KIF5C: variants seen among roughly 807,000 people sequenced by gnomAD.
The protein encoded by KIF5C is kinesin heavy chain isoform 5C.
Under a neutral mutation model 125.2 loss-of-function variants are expected in KIF5C, and 18 were observed. The ratio of observed to expected loss-of-function variants is 0.14; its 90% confidence interval spans 0.10 to 0.21. KIF5C has a LOEUF of 0.21. Among genes scored for constraint, KIF5C ranks in the 10% least tolerant of loss-of-function variants. KIF5C has a pLI of 1.00. For missense variants in KIF5C, 780 were observed against 1,183.8 expected (o/e 0.66, Z 5.01); for synonymous variants, 405 against 434.0 (o/e 0.93, Z 0.83).
At chr2:148,923,537 T>C (rs1362026369) in intron 2 of KIF5C, among the ~76,000 whole-genome samples, 1 of 152,192 alleles carries the variant, frequency 6.6e-6, no homozygotes, top group Admixed American at 6.5e-5. Context: ...TCTAAACATG[T>C]TTTCTCTGTT....
At chr2:148,884,112 A>G (rs1681447934) in intron 1 of KIF5C, 1 of 152,140 alleles carries the variant, frequency 6.6e-6, no homozygotes, top group South Asian at 2.1e-4. Flanking sequence ...TGCACTGTTA[A>G]CCCCCAGATC....
chr2:148,950,578 G>C (rs1256515790), intron 10 of KIF5C, 116 bp downstream of exon 10: 1 of 1,373,368 alleles, frequency 7.3e-7, no homozygotes, highest in South Asian at 1.8e-5. Context: ...GGAGGCCAAG[G>C]CGGGTGGATT....
At chr2:149,014,603 G>A (rs1682305760) in intron 25 of KIF5C, among the ~76,000 whole-genome samples, 1 of 152,184 alleles carries the variant, frequency 6.6e-6, no homozygotes, top group African/African-American at 2.4e-5. Context: ...CCTCATATAT[G>A]AAATGGGGAA....
intron 2 of KIF5C, among the ~76,000 whole-genome samples, chr2:148,927,485 GGTGTGT>G (rs368235008): frequency 6.0e-5 from 9 of 149,610 alleles, no homozygotes; most frequent in African/African-American, 2.0e-4. Flanking sequence ...GCCCTTTCAG[GGTGTGT>G]GTGTGTGTGT....
chr2:148,919,695 T>G (rs1259167356), intron 1 of KIF5C, among the ~76,000 whole-genome samples: 1 of 152,230 alleles, frequency 6.6e-6, no homozygotes, highest in Non-Finnish European at 1.5e-5. Context: ...ATGCCCCAAG[T>G]CAGTTCTTTG....
chr2:148,906,658 G>T (rs1287360617), intron 1 of KIF5C, among the ~76,000 whole-genome samples: 1 of 151,780 alleles, frequency 6.6e-6, no homozygotes, highest in African/African-American at 2.4e-5. Flanking sequence ...TGAGCTCAGG[G>T]GTTCGAGACC....
intron 15 of KIF5C, among the ~76,000 whole-genome samples, chr2:148,988,207 A>G (rs1302632089): frequency 6.6e-6 from 1 of 152,038 alleles, no homozygotes; most frequent in African/African-American, 2.4e-5. Flanking sequence ...ACTTTTGAAC[A>G]TGAAACCACT....
At chr2:148,966,785 C>T (rs1329520232) in intron 11 of KIF5C, among the ~76,000 whole-genome samples, 1 of 152,076 alleles carries the variant, frequency 6.6e-6, no homozygotes, top group African/African-American at 2.4e-5. Flanking sequence ...TCATGAATGG[C>T]ATTAGTGTCC....
chr2:148,942,888 G>T (rs554138393), intron 7 of KIF5C, 128 bp downstream of exon 7: 24 of 1,478,630 alleles, frequency 1.6e-5, no homozygotes, highest in Non-Finnish European at 2.2e-5. Context: ...AGCAGTGCTC[G>T]GACACAGACG....
At chr2:148,942,107 G>C (rs1431132133) in intron 6 of KIF5C, 117 bp downstream of exon 6, 8 of 1,142,544 alleles carry the variant, frequency 7.0e-6, no homozygotes, top group South Asian at 1.6e-5. Flanking sequence ...ATTTATTCAG[G>C]CTCCTTATAT....
At position 148,965,266 on chromosome 2, in the gene KIF5C, G is replaced by A. The variant is rs532914839; in HGVS notation, c.1117+3147G>A. 1.9e-3 allele frequency among the ~76,000 whole-genome samples: 288 copies of A among 152,154 alleles called. 1 individual carries two copies. The highest frequency in any genetic ancestry group is 6.7e-3 in the African/African-American group (280 of 41,492). ...TTGAGTTGGAGTCATCAGTCTTTTG[G>A]TAGTAATTGAAGGCATAGGTAGGTG... On this transcript the variant is annotated intron_variant, in intron 11 of 25. Transcript: ENST00000435030.
At chr2:149,003,144 T>C (rs1681907609) in intron 21 of KIF5C, among the ~76,000 whole-genome samples, 1 of 152,240 alleles carries the variant, frequency 6.6e-6, no homozygotes, top group African/African-American at 2.4e-5. Flanking sequence ...CTGCAGTGTA[T>C]GCCGTTTTAG....
chr2:148,993,174 G>A (rs1681572260), intron 16 of KIF5C, among the ~76,000 whole-genome samples: 1 of 152,216 alleles, frequency 6.6e-6, no homozygotes, highest in South Asian at 2.1e-4. Context: ...GGTTCAGATG[G>A]ACATGTTCCT....
chr2:148,957,693 A>G (rs892738820), intron 10 of KIF5C, among the ~76,000 whole-genome samples: 22 of 151,212 alleles, frequency 1.5e-4, no homozygotes, highest in Non-Finnish European at 1.8e-4. Context: ...AAATTCTTGT[A>G]TCTGACTTGA....
chr2:148,957,023 C>A (rs1263029753), intron 10 of KIF5C, among the ~76,000 whole-genome samples: 1 of 152,212 alleles, frequency 6.6e-6, no homozygotes, highest in African/African-American at 2.4e-5. Flanking sequence ...TGTCCTGGAA[C>A]CATAAGGCTG....
chr2:149,008,056 G>C lies in KIF5C; in HGVS notation c.2539G>C (p.Val847Leu). The change falls in exon 23 of 26, where the codon GTT becomes CTT. Residue 847 changes from valine to leucine, a missense_variant. Val to Leu is a conservative substitution (Grantham distance 32). Around this residue, in one of 2 missense-constraint regions of KIF5C, gnomAD observed 573 missense variants for 742.6 expected, o/e 0.77. Coordinates refer to ENST00000435030, the MANE Select transcript of KIF5C (RefSeq NM_004522.3). ...GAATAACCTGGAGCAGCTCACCAAA[G>C]TTCACAAGCAGGTAGGAGAGTTCTG... ...LENNLEQLTKVHKQLVRDNAD... is the reference protein window; with the variant it reads ...LENNLEQLTKLHKQLVRDNAD... 6.2e-7 allele frequency: 1 copy of C among 1,611,582 alleles called. No homozygotes were observed. Among genetic ancestry groups the C allele is most frequent in the Non-Finnish European group, 8.5e-7 (1 of 1,178,280 alleles).
At chr2:148,980,005 G>A (rs1409353296) in intron 13 of KIF5C, among the ~76,000 whole-genome samples, 3 of 152,134 alleles carry the variant, frequency 2.0e-5, no homozygotes, top group Non-Finnish European at 2.9e-5. Context: ...TTTCTGCTTC[G>A]TTGCTGAAAT....
At chr2:148,930,489 T>G (rs568818322) in intron 3 of KIF5C, among the ~76,000 whole-genome samples, 1 of 152,294 alleles carries the variant, frequency 6.6e-6, no homozygotes, top group South Asian at 2.1e-4. Flanking sequence ...CAGGGTAAGA[T>G]GAATCCTTAA....
intron 7 of KIF5C, among the ~76,000 whole-genome samples, chr2:148,943,387 G>A (rs565788083): frequency 2.0e-5 from 3 of 152,224 alleles, no homozygotes; most frequent in South Asian, 2.1e-4. Context: ...CAGAGGATCC[G>A]TGAAAAAAGA....
Sources: gnomAD v4.1 joint callset for allele counts (sites outside exome capture counted in the v4.1 genomes callset) on GRCh38, gnomAD v4.1.1 for gene constraint, gnomAD v4.1.1 regional missense constraint, MANE v1.5 for transcripts, NCBI Gene and HGNC (gene_info 2026-07-23, HGNC 2026-07-21) for gene names.